The following INPP4B variants were observed in gnomAD, a reference collection of about 807,000 sequenced individuals.
INPP4B encodes inositol polyphosphate-4-phosphatase type II B.
A neutral mutation model predicts 122.5 loss-of-function variants in INPP4B; 55 were observed. The ratio of observed to expected loss-of-function variants is 0.45; its 90% CI spans 0.36 to 0.56. The LOEUF is 0.56. Ranked by LOEUF, INPP4B falls within the 20% of genes least tolerant of loss-of-function variation. INPP4B has a pLI of 0.00. For synonymous variants in INPP4B, 403 were observed against 388.7 expected (o/e 1.04, Z -0.43); for missense variants, 1,000 against 1,097.7 (o/e 0.91, Z 1.26).
intron 7 of INPP4B, among the ~76,000 whole-genome samples, chr4:142,377,235 G>A (rs527950584): frequency 9.9e-5 from 15 of 151,430 alleles, no homozygotes; most frequent in East Asian, 1.9e-4. Flanking sequence ...CCTGAAATTC[G>A]TAAATTTCAG....
At chr4:142,700,225 T>C (rs951444475) in intron 2 of INPP4B, among the ~76,000 whole-genome samples, 2 of 152,126 alleles carry the variant, frequency 1.3e-5, no homozygotes, top group African/African-American at 4.8e-5. Flanking sequence ...AAAAAAAACC[T>C]AGTGTCACAA....
intron 7 of INPP4B, among the ~76,000 whole-genome samples, chr4:142,351,076 G>A (rs1436469266): frequency 6.6e-6 from 1 of 151,996 alleles, no homozygotes; most frequent in Non-Finnish European, 1.5e-5. Context: ...TGTAATAGCA[G>A]CTGAAACCAG....
intron 23 of INPP4B, among the ~76,000 whole-genome samples, chr4:142,099,122 C>T (rs1379325516): frequency 6.6e-6 from 1 of 151,988 alleles, no homozygotes; most frequent in African/African-American, 2.4e-5. Flanking sequence ...AGGCTCTTGA[C>T]AGAAAGTTTC....
chr4:142,257,551 T>C (rs1218484079), intron 11 of INPP4B, among the ~76,000 whole-genome samples: 2 of 151,822 alleles, frequency 1.3e-5, no homozygotes, highest in Admixed American at 6.6e-5. Flanking sequence ...AGCATTCTTA[T>C]ACACCAATAA....
chr4:142,521,372 C>A (rs537111686), intron 2 of INPP4B, among the ~76,000 whole-genome samples: 35 of 151,976 alleles, frequency 2.3e-4, no homozygotes, highest in African/African-American at 7.2e-4. Flanking sequence ...AGTTTTGCAG[C>A]AAAGAAAATT....
intron 2 of INPP4B, among the ~76,000 whole-genome samples, chr4:142,689,745 T>C (rs941468880): frequency 2.6e-5 from 4 of 152,194 alleles, no homozygotes; most frequent in Non-Finnish European, 4.4e-5. Context: ...AGCATTAAAA[T>C]ATCTCACAGT....
At chr4:142,480,786 G>T (rs985997564) in intron 2 of INPP4B, among the ~76,000 whole-genome samples, 1 of 152,128 alleles carries the variant, frequency 6.6e-6, no homozygotes, top group Admixed American at 6.6e-5. Flanking sequence ...ATTATAAGCA[G>T]CAGGCACTTC....
At chr4:142,462,156 T>C (rs1816867931) in intron 3 of INPP4B, among the ~76,000 whole-genome samples, 1 of 152,210 alleles carries the variant, frequency 6.6e-6, no homozygotes, top group Non-Finnish European at 1.5e-5. Flanking sequence ...AGGTTAAATG[T>C]CATCTTCCAG....
intron 10 of INPP4B, among the ~76,000 whole-genome samples, chr4:142,263,654 A>T (rs1018677858): frequency 5.3e-5 from 4 of 75,046 alleles, no homozygotes; most frequent in Admixed American, 1.8e-4. Context: ...ATATATATAT[A>T]TATATATATA....
chr4:142,105,705 G>C (rs1011843395), intron 23 of INPP4B, among the ~76,000 whole-genome samples: 1 of 152,076 alleles, frequency 6.6e-6, no homozygotes, highest in Non-Finnish European at 1.5e-5. Context: ...TTTAAAAAGA[G>C]AATCAGTAAA....
At chr4:142,137,558 T>C (rs1209590398) in intron 18 of INPP4B, among the ~76,000 whole-genome samples, 44 of 73,478 alleles carry the variant, frequency 6.0e-4, no homozygotes, top group African/African-American at 1.3e-3. Context: ...ACTAAAGAGC[T>C]TCTGCACAGC....
At chr4:142,388,010 G>T (rs192902568) in intron 7 of INPP4B, among the ~76,000 whole-genome samples, 1 of 152,168 alleles carries the variant, frequency 6.6e-6, no homozygotes, top group Non-Finnish European at 1.5e-5. Context: ...ATGTCTGTGC[G>T]ACCTTTATTA....
chr4:142,398,238 C>T (rs1310193404), intron 7 of INPP4B, among the ~76,000 whole-genome samples: 2 of 150,480 alleles, frequency 1.3e-5, no homozygotes, highest in African/African-American at 2.4e-5. Context: ...ATTAGCCAGG[C>T]GTGGTGGCGG....
chr4:142,618,215 T>C (rs983701483), intron 2 of INPP4B, among the ~76,000 whole-genome samples: 4 of 151,466 alleles, frequency 2.6e-5, no homozygotes, highest in Admixed American at 2.0e-4. Context: ...TACTGTCTAC[T>C]GAAATAGAAA....
rs1307283538 is a variant in INPP4B at position 142,594,586 on chromosome 4, T to C, written c.-191+131253A>G. On this transcript the variant is annotated intron_variant, in intron 2 of 25. Transcript: ENST00000262992. The stretch of plus-strand genomic sequence containing the variant: ...GCCTGACTTTGGGGAGCTAGACCAC[T>C]TATTATTGCCTCTCATTGATTAGCT... 4.6e-5 allele frequency among the ~76,000 whole-genome samples: 7 copies of C among 152,288 alleles called. No homozygotes were observed. In the East Asian group the frequency reaches 1.4e-3, roughly 29 times the overall value.
chr4:142,303,210 C>T (rs566507834), intron 9 of INPP4B, among the ~76,000 whole-genome samples: 3 of 152,022 alleles, frequency 2.0e-5, no homozygotes, highest in Non-Finnish European at 4.4e-5. Flanking sequence ...TCACAGTGCT[C>T]GGTCGAATTA....
chr4:142,817,821 T>A (rs1203689855), intron 1 of INPP4B, among the ~76,000 whole-genome samples: 14 of 152,206 alleles, frequency 9.2e-5, no homozygotes, highest in Admixed American at 7.9e-4. Flanking sequence ...TATAAAAACA[T>A]CTAAACCTAC....
At chr4:142,193,229 T>A (rs1354431934) in intron 14 of INPP4B, 34 bp from the exon 15 acceptor site, 2 of 1,243,008 alleles carry the variant, frequency 1.6e-6, no homozygotes, top group African/African-American at 1.5e-5. Flanking sequence ...ATGAACACTT[T>A]GCAAACATTT....
At chr4:142,670,897 T>G (rs1205548807) in intron 2 of INPP4B, among the ~76,000 whole-genome samples, 1 of 152,156 alleles carries the variant, frequency 6.6e-6, no homozygotes, top group Non-Finnish European at 1.5e-5. Context: ...CAAAACATGA[T>G]GCTCTACATG....
Sources: allele counts gnomAD v4.1 joint callset (sites outside exome capture counted in the v4.1 genomes callset), GRCh38; gene constraint gnomAD v4.1.1; transcripts MANE v1.5; gene names NCBI Gene and HGNC (gene_info 2026-07-23, HGNC 2026-07-21).